The following FHL5 variants were observed in gnomAD, a reference collection of about 807,000 sequenced individuals.
The protein encoded by FHL5 is four and a half LIM domains 5.
FHL5 carries 33 observed loss-of-function variants against 32.0 expected under a neutral mutation model. The observed-to-expected ratio is 1.03, with a 90% CI of 0.78 to 1.38. FHL5 has a LOEUF of 1.38. Among genes scored for constraint, FHL5 ranks in the 40% most tolerant of loss-of-function variants. The probability of loss-of-function intolerance (pLI) is 0.00; values close to 1 mark genes in which losing one functional copy is unlikely to be tolerated. For synonymous variants in FHL5, 114 were observed against 113.6 expected, an observed-to-expected ratio of 1.00 and a Z score of -0.02; for missense variants, 336 against 343.9, an observed-to-expected ratio of 0.98 and a Z score of 0.18.
In FHL5 at chr6:96,604,752, T is replaced by A. The variant is rs768019676; in HGVS notation, c.162T>A (p.Asp54Glu). ...CKKPIESDSK[D>E]LCYKDRHWHE... Reference sequence around the variant, plus strand: ...AACTTTTATTTACTGTCTCAAAGGATCTTTGTTACAAAGACCGGCACTGGC... The same window carrying A: ...AACTTTTATTTACTGTCTCAAAGGAACTTTGTTACAAAGACCGGCACTGGC... The change falls in exon 3 of 6, where the codon GAT (aspartate) becomes GAA (glutamate). Residue 54 changes from aspartate (D) to glutamate (E), a missense_variant and splice_region_variant. Coordinates refer to ENST00000450218, the MANE Select transcript of FHL5 (RefSeq NM_001322466.2). The A allele has an allele frequency of 6.2e-7, 1 of 1,604,970 alleles. No individual in the cohort carries two copies. Among genetic ancestry groups the A allele is most frequent in the South Asian group, 1.1e-5 (1 of 89,598 alleles).
intron 1 of FHL5, among the ~76,000 whole-genome samples, chr6:96,571,358 A>G (rs1284681469): frequency 6.6e-6 from 1 of 152,138 alleles, no homozygotes; most frequent in Non-Finnish European, 1.5e-5. Flanking sequence ...TCTTTGTGTT[A>G]AGGGCTTCTG....
At chr6:96,611,668 C>G (rs1483254426) in intron 5 of FHL5, among the ~76,000 whole-genome samples, 1 of 152,064 alleles carries the variant, frequency 6.6e-6, no homozygotes, top group East Asian at 1.9e-4. Context: ...CATTTTATCC[C>G]TTTCCTCCTT....
chr6:96,618,406 T>C lies in FHL5; in HGVS notation c.*2634T>C, dbSNP rs113947759. Among the ~76,000 whole-genome samples the C allele has an allele frequency of 2.1e-3, 316 of 151,848 alleles. 1 individual carries two copies. Among genetic ancestry groups the C allele is most frequent in the African/African-American group, 4.8e-3 (200 of 41,414 alleles). On this transcript the variant is annotated 3_prime_UTR_variant, in exon 6 of 6. Coordinates refer to ENST00000450218, the MANE Select transcript of FHL5 (RefSeq NM_001322466.2). ...AATAAGATTGCTAAAAGAGAAAGAG[T>C]CAGAGGAAGGGAGAATATTAACTCT...
In FHL5 at chr6:96,603,693, C is replaced by A; in HGVS notation, c.80C>A (p.Pro27Gln). 1 of 1,611,782 alleles carries A rather than the reference C, an allele frequency of 6.2e-7. No homozygotes were observed. ...AAATATGTACTAAAGGATGACAGTC[C>A]ATACTGTGTTACATGTTATGATCGT... is the stretch of plus-strand genomic sequence containing the variant. ...GKKYVLKDDSPYCVTCYDRVF... is the reference protein window; with the variant it reads ...GKKYVLKDDSQYCVTCYDRVF... Residue 27 changes from proline (P) to glutamine (Q), a missense_variant, in exon 2 of 6, where the codon CCA (proline) becomes CAA (glutamine). By Grantham distance (76) the Pro-to-Gln change is moderately conservative. Transcript: ENST00000450218.
chr6:96,614,621 T>A (rs1464007370), intron 5 of FHL5, among the ~76,000 whole-genome samples: 4 of 152,172 alleles, frequency 2.6e-5, no homozygotes, highest in Admixed American at 1.3e-4. Context: ...TCTTTTAGCC[T>A]CACTCCATGG....
At chr6:96,586,057 T>C (rs749523044) in intron 1 of FHL5, among the ~76,000 whole-genome samples, 1 of 152,188 alleles carries the variant, frequency 6.6e-6, no homozygotes, top group Non-Finnish European at 1.5e-5. Context: ...AACTTCATTG[T>C]CTTCCTCTTC....
In FHL5 at chr6:96,615,915, G is replaced by A. The variant is rs553031927; in HGVS notation, c.*143G>A. On this transcript the variant is annotated 3_prime_UTR_variant, in exon 6 of 6. Coordinates refer to ENST00000450218, the MANE Select transcript of FHL5 (RefSeq NM_001322466.2). ...AAAAGTTTTTGCACACATTTTGATCGAACTATATTCTAAGCACACAAAAAG... is the reference window on the plus strand; with the variant it reads ...AAAAGTTTTTGCACACATTTTGATCAAACTATATTCTAAGCACACAAAAAG... The A allele has an allele frequency of 4.0e-4, 246 of 612,726 alleles. 3 individuals are homozygous for A. The Middle Eastern group carries it at 5.4e-3, about 14-fold the overall frequency. 38.0% of individuals were successfully genotyped at this position (612,726 alleles called of 1,614,324 possible).
chr6:96,592,227 G>A (rs567711053), intron 1 of FHL5, among the ~76,000 whole-genome samples: 10 of 152,246 alleles, frequency 6.6e-5, no homozygotes, highest in Non-Finnish European at 1.5e-4. Flanking sequence ...GACCATAGAA[G>A]ATGGCCACAC....
At chr6:96,568,249 C>T (rs1770402453) in intron 1 of FHL5, among the ~76,000 whole-genome samples, 1 of 151,636 alleles carries the variant, frequency 6.6e-6, no homozygotes. Context: ...TGTTTTTGCC[C>T]TTCATTTTGT....
rs776523616 is a variant in FHL5 at position 96,615,802 on chromosome 6, T to C, written c.*30T>C. On this transcript the variant is annotated 3_prime_UTR_variant, in exon 6 of 6. Coordinates refer to ENST00000450218, the MANE Select transcript of FHL5 (RefSeq NM_001322466.2). Reference sequence around the variant, plus strand: ...CAGTCCTTGCCCACCTAAAATCCATTTTGCCTTCGTTGTCACTAAAGCCAG... The same window carrying C: ...CAGTCCTTGCCCACCTAAAATCCATCTTGCCTTCGTTGTCACTAAAGCCAG... 3.3e-6 allele frequency: 5 copies of C among 1,529,828 alleles called. No homozygotes were observed. Among genetic ancestry groups the C allele is most frequent in the Non-Finnish European group, 4.4e-6 (5 of 1,134,508 alleles). The allele number at this position is 1,529,828 out of a possible 1,614,324, so 94.8% of individuals were successfully genotyped here. A position where few individuals can be genotyped will look rare whatever the true frequency, so the allele number is the denominator to read the frequency against.
intron 4 of FHL5, among the ~76,000 whole-genome samples, chr6:96,607,516 C>T (rs1357303791): frequency 6.6e-6 from 1 of 152,084 alleles, no homozygotes; most frequent in Non-Finnish European, 1.5e-5. Context: ...TATTAAATTA[C>T]ACTATGTTGA....
At chr6:96,570,471 A>C (rs1250504500) in intron 1 of FHL5, among the ~76,000 whole-genome samples, 4 of 152,066 alleles carry the variant, frequency 2.6e-5, no homozygotes, top group Non-Finnish European at 5.9e-5. Context: ...GGTTGAATCT[A>C]TTTGGGGAAT....
At chr6:96,591,175 C>A (rs1770907402) in intron 1 of FHL5, among the ~76,000 whole-genome samples, 2 of 152,086 alleles carry the variant, frequency 1.3e-5, no homozygotes, top group South Asian at 2.1e-4. Context: ...TAAAGCTTGG[C>A]AAAATTCACT....
chr6:96,611,780 T>G (rs2127975640), intron 5 of FHL5, among the ~76,000 whole-genome samples: 1 of 152,288 alleles, frequency 6.6e-6, no homozygotes, highest in African/African-American at 2.4e-5. Flanking sequence ...AGGCTTTCAC[T>G]GACTTGCAAA....
intron 1 of FHL5, among the ~76,000 whole-genome samples, chr6:96,574,991 A>C (rs1184582643): frequency 6.6e-6 from 1 of 152,204 alleles, no homozygotes; most frequent in Non-Finnish European, 1.5e-5. Flanking sequence ...ATTTTCGAAA[A>C]CACTTAAAAT....
chr6:96,606,457 T>G (rs1771283021), intron 4 of FHL5, among the ~76,000 whole-genome samples: 1 of 152,156 alleles, frequency 6.6e-6, no homozygotes, highest in Non-Finnish European at 1.5e-5. Context: ...GTTCAAGAGA[T>G]TCTCATGTCT....
chr6:96,583,820 C>T (rs1293778063), intron 1 of FHL5, among the ~76,000 whole-genome samples: 1 of 152,040 alleles, frequency 6.6e-6, no homozygotes, highest in African/African-American at 2.4e-5. Context: ...TGTTATGCTC[C>T]GTCCTTTGAC....
intron 1 of FHL5, among the ~76,000 whole-genome samples, chr6:96,589,030 T>C (rs1770860213): frequency 6.6e-6 from 1 of 152,138 alleles, no homozygotes; most frequent in African/African-American, 2.4e-5. Flanking sequence ...TTGTTTTGAG[T>C]ATGGTATGAA....
chr6:96,584,006 A>G (rs1394801823), intron 1 of FHL5, among the ~76,000 whole-genome samples: 1 of 152,212 alleles, frequency 6.6e-6, no homozygotes, highest in Non-Finnish European at 1.5e-5. Context: ...TTAAAGAACA[A>G]GAAGTTTCTA....
Sources: gnomAD v4.1 joint callset for allele counts (sites outside exome capture counted in the v4.1 genomes callset) on GRCh38, gnomAD v4.1.1 for gene constraint, MANE v1.5 for transcripts, NCBI Gene and HGNC (gene_info 2026-07-23, HGNC 2026-07-21) for gene names.